Variants in SI observed in about 807,000 individuals in gnomAD.
The protein encoded by SI is sucrase-isomaltase.
Under a neutral mutation model 253.3 loss-of-function variants are expected in SI, and 235 were observed. The observed-to-expected ratio is 0.93, with a 90% confidence interval of 0.83 to 1.03. The LOEUF (loss-of-function observed/expected upper bound fraction) is 1.03. Among genes scored for constraint, SI ranks in the 50% least tolerant of loss-of-function variants. SI has a pLI of 0.00. For missense variants in SI, 2,442 were observed against 2,211.1 expected (o/e 1.10, Z -2.09); for synonymous variants, 819 against 712.0 (o/e 1.15, Z -2.39).
At chr3:165,075,029 C>T (rs1714860622) in intron 2 of SI, among the ~76,000 whole-genome samples, 1 of 151,792 alleles carries the variant, frequency 6.6e-6, no homozygotes, top group Non-Finnish European at 1.5e-5. Context: ...TTATGAAAAA[C>T]ATATAGAGAA....
intron 13 of SI, among the ~76,000 whole-genome samples, chr3:165,050,836 C>T (rs1040172442): frequency 6.6e-6 from 1 of 151,930 alleles, no homozygotes; most frequent in Admixed American, 6.6e-5. Context: ...TTTTAAGACT[C>T]ACTGCTTTTC....
chr3:165,055,614 C>T (rs1713658723), intron 12 of SI, among the ~76,000 whole-genome samples: 1 of 151,744 alleles, frequency 6.6e-6, no homozygotes, highest in Non-Finnish European at 1.5e-5. Context: ...AATACATACA[C>T]AATAAATATT....
chr3:165,075,856 T>C, intron 2 of SI, 39 bp downstream of exon 2: 1 of 1,220,224 alleles, frequency 8.2e-7, no homozygotes, highest in South Asian at 1.2e-5. Flanking sequence ...TCCTCCTAAC[T>C]TCACGATAAT....
chr3:165,062,285 T>C (rs889252415), intron 9 of SI, 86 bp downstream of exon 9: 3 of 735,148 alleles, frequency 4.1e-6, no homozygotes, highest in Non-Finnish European at 7.4e-6. Flanking sequence ...CCCTACTATG[T>C]AAAATAAAGT....
chr3:164,982,399 T>G lies in SI; in HGVS notation c.5259A>C (p.Thr1753=). ...TGTAACCTCTCTTCAATATAGTGCT[T>G]GTTAAGGTGGTCTATAAATAAAGAA... ...VQFNLNQTTL[T]STILKRGYIN... is the part of the protein sequence containing the mutation. The change falls in exon 47 of 48, where the codon ACA becomes ACC. Residue 1753 remains threonine (T), a synonymous_variant. Coordinates refer to ENST00000264382, the MANE Select transcript of SI (RefSeq NM_001041.4). 1 of 1,610,270 alleles carries G rather than the reference T, an allele frequency of 6.2e-7. No homozygotes were observed. Among genetic ancestry groups the G allele is most frequent in the South Asian group, 1.1e-5 (1 of 90,984 alleles).
Position 165,030,701 on chromosome 3 carries a change from A to G in SI, c.2892+11T>C, listed in dbSNP as rs963481918. 6.8e-6 allele frequency: 11 copies of G among 1,606,830 alleles called. No individual in the cohort carries two copies. Among genetic ancestry groups the G allele is most frequent in the Non-Finnish European group, 9.4e-6 (11 of 1,175,442 alleles). On this transcript the variant is annotated intron_variant, in intron 25 of 47. Transcript: ENST00000264382. ...AACCATATCATGAGTAATAGTTAAA[A>G]TTATTATTACCGTTCTCCATACACA...
rs1444747428 is a variant in SI at position 164,982,335 on chromosome 3, A to G, written c.5323T>C (p.Trp1775Arg). The part of the protein sequence containing the change: ...SETRLGSLHV[W>R]GKGTTPVNAV... ...TTGACAGGAGTAGTTCCTTTCCCCC[A>G]TACATGAAGGGATCCAAGCCTCGTT... Residue 1775 changes from tryptophan to arginine, a missense_variant, in exon 47 of 48, where the codon TGG (tryptophan) becomes CGG (arginine). Trp to Arg is a moderately radical substitution (Grantham distance 101). Transcript: ENST00000264382. 1.9e-6 allele frequency: 3 copies of G among 1,612,572 alleles called. No individual in the cohort carries two copies. The highest frequency in any genetic ancestry group is 2.5e-6 in the Non-Finnish European group (3 of 1,179,032).
chr3:165,002,334 T>C (rs1007141520), intron 37 of SI, among the ~76,000 whole-genome samples: 4 of 151,748 alleles, frequency 2.6e-5, no homozygotes, highest in African/African-American at 4.8e-5. Context: ...GATTTCTATA[T>C]GAAGCTTTTT....
chr3:165,014,558 G>T (rs138497737), intron 33 of SI, among the ~76,000 whole-genome samples: 36 of 152,098 alleles, frequency 2.4e-4, no homozygotes, highest in African/African-American at 7.2e-4. Context: ...CCTCATCATA[G>T]ATTTTTTTGA....
chr3:165,001,969 C>CT (rs1718275903), intron 37 of SI, among the ~76,000 whole-genome samples: 1 of 151,390 alleles, frequency 6.6e-6, no homozygotes, highest in African/African-American at 2.4e-5. Context: ...TAAATATTGA[C>CT]TTTTTCCATT....
chr3:165,080,022 A>G (rs1462322986), upstream of SI, among the ~76,000 whole-genome samples: 1 of 152,000 alleles, frequency 6.6e-6, no homozygotes, highest in Non-Finnish European at 1.5e-5. Context: ...TAAATTTTGT[A>G]TACCAATTTG....
At chr3:165,084,879 A>G in the SI span, among the ~76,000 whole-genome samples, 1 of 152,216 alleles carries the variant, frequency 6.6e-6, no homozygotes, top group South Asian at 2.1e-4. Context: ...AATAACAGTA[A>G]ACATAAATAA....
chr3:165,011,766 ATTT>A (rs1718781111), intron 34 of SI, among the ~76,000 whole-genome samples: 1 of 147,904 alleles, frequency 6.8e-6, no homozygotes, highest in African/African-American at 2.5e-5. Flanking sequence ...GTTATTATTT[ATTT>A]ATTATTTATT....
chr3:165,072,411 A>C (rs1235825193), intron 3 of SI, among the ~76,000 whole-genome samples: 1 of 151,906 alleles, frequency 6.6e-6, no homozygotes, highest in Admixed American at 6.6e-5. Context: ...CATAGCTATA[A>C]ATAACAACAA....
intron 38 of SI, 132 bp from the exon 39 acceptor site, chr3:164,996,904 A>G (rs1409605380): frequency 2.0e-6 from 1 of 504,522 alleles, no homozygotes; most frequent in Non-Finnish European, 3.3e-6. Context: ...TCAGATTATT[A>G]ATATAATTAT....
chr3:165,051,503 G>A (rs1713427020), intron 13 of SI, among the ~76,000 whole-genome samples: 1 of 151,820 alleles, frequency 6.6e-6, no homozygotes, highest in African/African-American at 2.4e-5. Context: ...AATTAATAAT[G>A]GTATACCATA....
chr3:165,074,054 T>C (rs1219283382), intron 3 of SI, among the ~76,000 whole-genome samples: 1 of 152,050 alleles, frequency 6.6e-6, no homozygotes, highest in Admixed American at 6.6e-5. Flanking sequence ...TCCAATTGGT[T>C]ACACCTAATT....
chr3:165,014,986 C>A, intron 33 of SI, 137 bp downstream of exon 33: 2 of 664,828 alleles, frequency 3.0e-6, no homozygotes, highest in Admixed American at 2.6e-5. Flanking sequence ...AAAGACTATA[C>A]ATTATTTTAT....
In SI at chr3:165,065,290, T is replaced by C. The variant is rs1334827980; in HGVS notation, c.778A>G (p.Ile260Val). The change falls in exon 7 of 48, where the codon ATT becomes GTT. Residue 260 changes from isoleucine to valine, a missense_variant. By Grantham distance (29) the Ile-to-Val change is conservative. Transcript: ENST00000264382. ...RHDLSWKTWP[I>V]FTRDQLPGDN... ...CCAGGAAGTTGGTCTCGAGTAAAAA[T>C]TGGCCATGTTTTCCAGGATAAATCA... The C allele has an allele frequency of 1.9e-6, 3 of 1,607,642 alleles. No homozygotes were observed. The highest frequency in any genetic ancestry group is 1.7e-5 in the Admixed American group (1 of 59,654).
Sources: allele counts gnomAD v4.1 joint callset (sites outside exome capture counted in the v4.1 genomes callset), GRCh38; gene constraint gnomAD v4.1.1; transcripts MANE v1.5; gene names NCBI Gene and HGNC (gene_info 2026-07-23, HGNC 2026-07-21).